AGO1: variants seen among roughly 807,000 people sequenced by gnomAD.
AGO1 encodes argonaute RISC component 1, also known as protein argonaute-1.
Under a neutral mutation model 109.2 loss-of-function variants are expected in AGO1, and 11 were observed. The ratio of observed to expected loss-of-function variants is 0.10; its 90% CI spans 0.06 to 0.17. AGO1 has a LOEUF of 0.17. Ranked by LOEUF, AGO1 falls within the 10% of genes least tolerant of loss-of-function variation. AGO1 has a pLI of 1.00. For synonymous variants in AGO1, 422 were observed against 418.6 expected (o/e 1.01, Z -0.10); for missense variants, 574 against 1,140.3 (o/e 0.50, Z 7.15).
In AGO1 at chr1:35,919,928, A is replaced by G. The variant is rs541984369; in HGVS notation, c.*321A>G. The G allele has an allele frequency of 6.5e-5, 18 of 276,246 alleles. No individual in the cohort carries two copies. The highest frequency in any genetic ancestry group is 3.7e-4 in the African/African-American group (17 of 46,312). 17.1% of individuals were successfully genotyped at this position (276,246 alleles called of 1,614,324 possible). Reference sequence around the variant, plus strand: ...GGTGTCTCATGTGACTCACAGTGCTAAAGACTCATGCTTGACAGCTTGGTA... The same window carrying G: ...GGTGTCTCATGTGACTCACAGTGCTGAAGACTCATGCTTGACAGCTTGGTA... On this transcript the variant is annotated 3_prime_UTR_variant, in exon 19 of 19. Transcript: ENST00000373204. The surrounding 1 kb of genome is among the most constrained non-coding windows in gnomAD (Gnocchi z 6.6).
intron 12 of AGO1, among the ~76,000 whole-genome samples, chr1:35,911,270 A>G (rs1296359062): frequency 6.6e-6 from 1 of 152,198 alleles, no homozygotes; most frequent in Admixed American, 6.5e-5. Flanking sequence ...GAAAAATGAA[A>G]AAGAATCCCA....
chr1:35,915,095 A>G (rs1265842191), intron 14 of AGO1, among the ~76,000 whole-genome samples: 2 of 152,162 alleles, frequency 1.3e-5, no homozygotes, highest in Non-Finnish European at 2.9e-5. Flanking sequence ...CGTCCTGTGT[A>G]AGGTGCTTAA....
At chr1:35,873,045 C>T (rs1440263231) in intron 1 of AGO1, among the ~76,000 whole-genome samples, 1 of 147,520 alleles carries the variant, frequency 6.8e-6, no homozygotes, top group Non-Finnish European at 1.5e-5. Context: ...GTGCCACCAT[C>T]CCTGGTTACT....
chr1:35,871,942 C>T (rs1162649719), intron 1 of AGO1, among the ~76,000 whole-genome samples: 27 of 151,178 alleles, frequency 1.8e-4, no homozygotes, highest in South Asian at 6.3e-4. Flanking sequence ...TGGTGGCGGG[C>T]GCCTGTAGTC....
At chr1:35,881,510 C>T (rs781227946), upstream of AGO1, among the ~76,000 whole-genome samples, 3 of 152,006 alleles carry the variant, frequency 2.0e-5, no homozygotes, top group Non-Finnish European at 2.9e-5. Context: ...TTAGTAGAGA[C>T]GAGACTTCAC....
chr1:35,883,519 C>A lies in AGO1; in HGVS notation c.25+73C>A. 2 of 1,468,584 alleles carry A rather than the reference C, an allele frequency of 1.4e-6. No homozygotes were observed. Among genetic ancestry groups the A allele is most frequent in the Middle Eastern group, 1.8e-4 (1 of 5,536 alleles). The allele number at this position is 1,468,584 out of a possible 1,614,324, so 91.0% of individuals were successfully genotyped here. On this transcript the variant is annotated intron_variant, in intron 1 of 18. Transcript: ENST00000373204. This position sits in a 1 kb window ranked among gnomAD's most constrained non-coding sequence, Gnocchi z 5.4. ...GATCCCGCATGAAAAGCGTGGTTTC[C>A]AAGTGATGGAAGCGCTCCTGAGTGA...
intron 11 of AGO1, among the ~76,000 whole-genome samples, chr1:35,904,047 T>G (rs1294916823): frequency 1.3e-5 from 2 of 151,048 alleles, no homozygotes; most frequent in Admixed American, 6.6e-5. Context: ...CCCTCACAGA[T>G]ACACAAACAC....
At chr1:35,911,277 C>T (rs187929829) in intron 12 of AGO1, among the ~76,000 whole-genome samples, 1 of 152,032 alleles carries the variant, frequency 6.6e-6, no homozygotes, top group Non-Finnish European at 1.5e-5. Context: ...GAAAAAGAAT[C>T]CCAGGGTCAT....
chr1:35,911,530 T>TC (rs1007521465), intron 12 of AGO1, among the ~76,000 whole-genome samples: 6 of 151,966 alleles, frequency 3.9e-5, no homozygotes, highest in African/African-American at 1.4e-4. Flanking sequence ...TTTTACCCCC[T>TC]CTAGTTCTTG....
intron 16 of AGO1, among the ~76,000 whole-genome samples, chr1:35,918,087 T>A (rs1211399785): frequency 6.6e-6 from 1 of 152,218 alleles, no homozygotes; most frequent in Non-Finnish European, 1.5e-5. Flanking sequence ...ATTATTATTA[T>A]CTCCAATTTA....
At position 35,888,006 on chromosome 1, in the gene AGO1, C is replaced by T. The variant is rs941996384; in HGVS notation, c.26-421C>T. On this transcript the variant is annotated intron_variant, in intron 1 of 18. Transcript: ENST00000373204. This position sits in a 1 kb window ranked among gnomAD's most constrained non-coding sequence, Gnocchi z 4.1. ...CATCAAGGTTATGCCATTTTGTATT[C>T]AGCATGGTGGCGAATGGAGTGAGCA... is the stretch of plus-strand genomic sequence containing the variant. Among the ~76,000 whole-genome samples the T allele has an allele frequency of 3.3e-5, 5 of 152,122 alleles. No individual in the cohort carries two copies. The highest frequency in any genetic ancestry group is 5.9e-5 in the Non-Finnish European group (4 of 68,032).
At position 35,930,347 on chromosome 1, in the gene AGO1, G is replaced by A. The variant is rs1228031040; in HGVS notation, c.*10740G>A. 2 of 152,212 alleles carry A rather than the reference G, an allele frequency of 1.3e-5. No individual in the cohort carries two copies. The highest frequency in any genetic ancestry group is 4.8e-5 in the African/African-American group (2 of 41,436). The allele number at this position is 152,212 out of a possible 1,614,324, so 9.4% of individuals were successfully genotyped here. A position where few individuals can be genotyped will look rare whatever the true frequency, so the allele number is the denominator to read the frequency against. ...GAAGAGAGAGAGGGTTCCTGGCCAA[G>A]GGAACCAAAAGCAGAGAAGCTCCAA... On this transcript the variant is annotated 3_prime_UTR_variant, in exon 19 of 19. Coordinates refer to ENST00000373204, the MANE Select transcript of AGO1 (RefSeq NM_012199.5).
Position 35,915,437 on chromosome 1 carries a change from C to G in AGO1, c.1923C>G (p.Ser641=), listed in dbSNP as rs148568098. ...RPRQEIIEDL[S]YMVRELLIQF... ...GGCAAGAGATCATTGAAGACTTGTC[C>G]TACATGGTGCGTGAGCTCCTCATCC... The change falls in exon 15 of 19, where the codon TCC becomes TCG. Residue 641 remains serine (S), a synonymous_variant. Coordinates refer to ENST00000373204, the MANE Select transcript of AGO1 (RefSeq NM_012199.5). The G allele has an allele frequency of 1.3e-3, 2,171 of 1,614,104 alleles. 3 individuals are homozygous for G. The highest frequency in any genetic ancestry group is 1.6e-3 in the Non-Finnish European group (1,921 of 1,180,022).
Position 35,883,420 on chromosome 1 carries a change from G to T in AGO1, c.-2G>T. On this transcript the variant is annotated 5_prime_UTR_variant, in exon 1 of 19. Coordinates refer to ENST00000373204, the MANE Select transcript of AGO1 (RefSeq NM_012199.5). The surrounding 1 kb of genome is among the most constrained non-coding windows in gnomAD (Gnocchi z 5.4). ...CGCCTGACCTCCGCACGGGTATATG[G>T]GATGGAAGCGGGACCCTCGGGAGCA... 2 of 1,576,526 alleles carry T rather than the reference G, an allele frequency of 1.3e-6. No individual in the cohort carries two copies. Among genetic ancestry groups the T allele is most frequent in the Non-Finnish European group, 1.7e-6 (2 of 1,163,568 alleles).
intron 11 of AGO1, among the ~76,000 whole-genome samples, chr1:35,904,565 A>T (rs1645484119): frequency 6.6e-6 from 1 of 151,994 alleles, no homozygotes; most frequent in Admixed American, 6.6e-5. Flanking sequence ...TTCTTTTGGG[A>T]TGATCTATTG....
At chr1:35,907,514 A>G (rs1321388512) in intron 12 of AGO1, among the ~76,000 whole-genome samples, 1 of 151,948 alleles carries the variant, frequency 6.6e-6, no homozygotes, top group East Asian at 1.9e-4. Flanking sequence ...GTTGCCTGGT[A>G]ATTACTTGGA....
Position 35,893,838 on chromosome 1 carries a change from G to T in AGO1, c.649+28G>T. 1 of 1,600,046 alleles carries T rather than the reference G, an allele frequency of 6.2e-7. No homozygotes were observed. On this transcript the variant is annotated intron_variant, in intron 5 of 18. Transcript: ENST00000373204. This position sits in a 1 kb window ranked among gnomAD's most constrained non-coding sequence, Gnocchi z 5.6. ...GAGTGGGGAGAGCTATGGAGCCAGGGGCACCCCAAGTCCAGTGACCACACT... is the reference window on the plus strand; with the variant it reads ...GAGTGGGGAGAGCTATGGAGCCAGGTGCACCCCAAGTCCAGTGACCACACT...
At chr1:35,877,023 A>G (rs542035031) in intron 1 of AGO1, among the ~76,000 whole-genome samples, 133 of 152,286 alleles carry the variant, frequency 8.7e-4, no homozygotes, top group Non-Finnish European at 1.5e-3. Context: ...GCCTGTCCAA[A>G]GCTGCTAGGC....
At chr1:35,872,319 G>A (rs949647121) in intron 1 of AGO1, among the ~76,000 whole-genome samples, 8 of 150,876 alleles carry the variant, frequency 5.3e-5, no homozygotes, top group African/African-American at 1.7e-4. Flanking sequence ...CTGAGTAGTC[G>A]GGATTACAGG....
Sources: gnomAD v4.1 joint callset for allele counts (sites outside exome capture counted in the v4.1 genomes callset) on GRCh38, gnomAD v4.1.1 for gene constraint, Gnocchi (gnomAD v3.1) non-coding constraint, MANE v1.5 for transcripts, NCBI Gene and HGNC (gene_info 2026-07-23, HGNC 2026-07-21) for gene names.